ANO3: variants seen among roughly 807,000 people sequenced by gnomAD.
The protein encoded by ANO3 is anoctamin-3.
In ANO3, 99 loss-of-function variants were observed where a neutral mutation model predicts 144.8. That is an observed-to-expected ratio of 0.68 (90% CI 0.58 to 0.81). The LOEUF (loss-of-function observed/expected upper bound fraction) is 0.81, where lower values mean the gene tolerates loss of function less well. ANO3 is among the 30% of genes least tolerant of loss of function. ANO3 has a pLI of 0.00. For missense variants in ANO3, 905 were observed against 1,202.2 expected (o/e 0.75, Z 3.66); for synonymous variants, 414 against 392.6 (o/e 1.05, Z -0.64).
At chr11:26,493,034 T>C (rs967734029) in intron 4 of ANO3, among the ~76,000 whole-genome samples, 5 of 152,208 alleles carry the variant, frequency 3.3e-5, no homozygotes, top group Non-Finnish European at 4.4e-5. Context: ...ATAAATATTT[T>C]CTTGTTCAAG....
At chr11:26,329,384 A>C (rs1854980197), upstream of ANO3, among the ~76,000 whole-genome samples, 2 of 151,884 alleles carry the variant, frequency 1.3e-5, no homozygotes, top group Non-Finnish European at 2.9e-5. Flanking sequence ...TCTATAAAGC[A>C]GATGGTGCTT....
intron 1 of ANO3, among the ~76,000 whole-genome samples, chr11:26,345,282 C>T (rs540925604): frequency 7.2e-5 from 11 of 152,220 alleles, no homozygotes; most frequent in South Asian, 2.1e-4. Context: ...TTGCTGGACA[C>T]GGTGGCTTAT....
intron 3 of ANO3, among the ~76,000 whole-genome samples, chr11:26,445,013 A>T (rs10047464): frequency 0.24 from 37,056 of 152,062 alleles, 5,250 homozygotes; most frequent in African/African-American, 0.39. Flanking sequence ...ACAAGCTGAG[A>T]AATTTTATCC....
At chr11:26,255,364 C>T (rs1020630316) in intron 1 of ANO3, among the ~76,000 whole-genome samples, 2 of 152,126 alleles carry the variant, frequency 1.3e-5, no homozygotes, top group East Asian at 1.9e-4. Context: ...CACTGTTATT[C>T]GGTAGACTAC....
intron 18 of ANO3, among the ~76,000 whole-genome samples, chr11:26,626,221 A>C (rs1226390859): frequency 1.3e-5 from 2 of 151,974 alleles, no homozygotes; most frequent in Non-Finnish European, 2.9e-5. Context: ...ATTATGCTGG[A>C]TACTTAGTGC....
chr11:26,488,011 C>G (rs1203303138), intron 4 of ANO3, among the ~76,000 whole-genome samples: 3 of 151,884 alleles, frequency 2.0e-5, no homozygotes, highest in African/African-American at 7.3e-5. Context: ...ACTAAAAATA[C>G]AAAAATTAGC....
chr11:26,516,326 T>C (rs539497434), intron 5 of ANO3, among the ~76,000 whole-genome samples: 1 of 151,480 alleles, frequency 6.6e-6, no homozygotes, highest in African/African-American at 2.4e-5. Flanking sequence ...GATAACAGAC[T>C]TTTACAATTT....
At chr11:26,420,065 A>C (rs1357896000) in intron 1 of ANO3, among the ~76,000 whole-genome samples, 4 of 152,036 alleles carry the variant, frequency 2.6e-5, no homozygotes, top group South Asian at 4.2e-4. Flanking sequence ...ATTTTTAGAG[A>C]GCTTTCTTCA....
At chr11:26,453,934 G>A (rs185282039) in intron 3 of ANO3, among the ~76,000 whole-genome samples, 34 of 152,102 alleles carry the variant, frequency 2.2e-4, no homozygotes, top group Admixed American at 4.6e-4. Context: ...ACTCAAAACC[G>A]CTCAACTACA....
At chr11:26,409,252 G>A (rs1857372772) in intron 1 of ANO3, among the ~76,000 whole-genome samples, 1 of 151,632 alleles carries the variant, frequency 6.6e-6, no homozygotes, top group Non-Finnish European at 1.5e-5. Context: ...ACACTCCAGG[G>A]CTCCCCTTTT....
intron 1 of ANO3, among the ~76,000 whole-genome samples, chr11:26,401,302 C>T (rs182488741): frequency 3.9e-5 from 6 of 152,102 alleles, no homozygotes; most frequent in Non-Finnish European, 7.4e-5. Flanking sequence ...CATTGTCTTG[C>T]TTCTGCCTTC....
chr11:26,623,479 T>G (rs887825311), intron 17 of ANO3, among the ~76,000 whole-genome samples: 1 of 152,224 alleles, frequency 6.6e-6, no homozygotes, highest in African/African-American at 2.4e-5. Context: ...GTGAAATGTA[T>G]GCCCTTTTCT....
rs191882039 is a variant in ANO3, at chr11:26,588,236, T to C, written c.1448-10129T>C. ...CTGTTTTAACTTTCAAAGTTAGCTATTTGTATTATTAATTGTATCTTTACT... is the reference window on the plus strand; with the variant it reads ...CTGTTTTAACTTTCAAAGTTAGCTACTTGTATTATTAATTGTATCTTTACT... On this transcript the variant is annotated intron_variant, in intron 14 of 26. Coordinates refer to ENST00000256737, the MANE Select transcript of ANO3 (RefSeq NM_031418.4). Among the ~76,000 whole-genome samples, 476 of 152,302 alleles carry C rather than the reference T, an allele frequency of 3.1e-3. 3 individuals are homozygous for C. The highest frequency in any genetic ancestry group is 0.02 in the South Asian group (96 of 4,822).
intron 1 of ANO3, among the ~76,000 whole-genome samples, chr11:26,333,402 C>G (rs1049096446): frequency 2.0e-5 from 3 of 151,842 alleles, no homozygotes; most frequent in Non-Finnish European, 4.4e-5. Context: ...CTGCCTCAGC[C>G]TCCTGAGTAG....
intron 1 of ANO3, among the ~76,000 whole-genome samples, chr11:26,399,698 G>T (rs74496378): frequency 0.068 from 10,375 of 151,748 alleles, 637 homozygotes; most frequent in African/African-American, 0.17. Context: ...TGCTTTTGTT[G>T]ATGGTTGAAG....
At chr11:26,582,047 A>T (rs1216391527) in intron 14 of ANO3, among the ~76,000 whole-genome samples, 1 of 152,160 alleles carries the variant, frequency 6.6e-6, no homozygotes, top group Non-Finnish European at 1.5e-5. Context: ...TTCTCATATT[A>T]AGTAGTAACA....
chr11:26,440,423 A>G (rs1406521656), intron 1 of ANO3, among the ~76,000 whole-genome samples: 1 of 152,192 alleles, frequency 6.6e-6, no homozygotes, highest in Non-Finnish European at 1.5e-5. Flanking sequence ...TAAGCAAAAG[A>G]GTAGTGTTAA....
rs574531840 is a variant in ANO3, at chr11:26,485,402, C to CT, written c.432+22261dup. On this transcript the variant is annotated intron_variant, in intron 4 of 26. Coordinates refer to ENST00000256737, the MANE Select transcript of ANO3 (RefSeq NM_031418.4). ...AGTGTGGGGCACCTTCCTATTTGCT[C>CT]TTTTTTTCCTGCTCTGGCCATATAA... is the stretch of plus-strand genomic sequence containing the variant. Among the ~76,000 whole-genome samples, 460 of 152,158 alleles carry CT rather than the reference C, an allele frequency of 3.0e-3. 5 individuals carry two copies. Among genetic ancestry groups the CT allele is most frequent in the African/African-American group, 0.01 (422 of 41,508 alleles).
At chr11:26,338,566 CT>C (rs1352293744) in intron 1 of ANO3, among the ~76,000 whole-genome samples, 1 of 152,154 alleles carries the variant, frequency 6.6e-6, no homozygotes, top group Non-Finnish European at 1.5e-5. Context: ...GGTGTGGAAG[CT>C]TTGTTCTTTC....
Sources: gnomAD v4.1 joint callset for allele counts (sites outside exome capture counted in the v4.1 genomes callset) on GRCh38, gnomAD v4.1.1 for gene constraint, MANE v1.5 for transcripts, NCBI Gene and HGNC (gene_info 2026-07-23, HGNC 2026-07-21) for gene names.